TMEM163: variants seen among roughly 807,000 people sequenced by gnomAD.
TMEM163 encodes the protein transmembrane protein 163.
A neutral mutation model predicts 29.3 loss-of-function variants in TMEM163; 17 were observed. That is an observed-to-expected ratio of 0.58 (90% CI 0.40 to 0.87). The LOEUF is 0.87. Ranked by LOEUF, TMEM163 falls within the 40% of genes least tolerant of loss-of-function variation. The probability of loss-of-function intolerance (pLI) is 0.00; values close to 1 mark genes in which losing one functional copy is unlikely to be tolerated. For synonymous variants in TMEM163, 157 were observed against 160.6 expected (o/e 0.98, Z 0.17); for missense variants, 303 against 381.5 (o/e 0.79, Z 1.71).
intron 4 of TMEM163, among the ~76,000 whole-genome samples, chr2:134,503,678 A>C (rs1017767066): frequency 6.6e-6 from 1 of 152,148 alleles, no homozygotes; most frequent in African/African-American, 2.4e-5. Context: ...GGCAGAAATG[A>C]GGGGTAAGAA....
intron 2 of TMEM163, among the ~76,000 whole-genome samples, chr2:134,587,028 T>C (rs537292220): frequency 1.3e-5 from 2 of 152,048 alleles, no homozygotes; most frequent in Admixed American, 1.3e-4. Flanking sequence ...ACTTAAGATC[T>C]CATCTGTGAG....
At chr2:134,507,336 C>CTAAA (rs111595849) in intron 4 of TMEM163, among the ~76,000 whole-genome samples, 10,254 of 148,804 alleles carry the variant, frequency 0.069, 439 homozygotes, top group Non-Finnish European at 0.085. Flanking sequence ...AACTCTACCT[C>CTAAA]TAAATAAATA....
rs188845651 is a variant in TMEM163 at position 134,667,020 on chromosome 2, A to G, written c.322+46180T>C. 1.1e-4 allele frequency among the ~76,000 whole-genome samples: 17 copies of G among 152,214 alleles called. 1 individual carries two copies. The highest frequency in any genetic ancestry group is 3.6e-4 in the African/African-American group (15 of 41,498). ...GAATCAGTGGATGAGCCCCACTAGAAAAATCTACTCATCACTCATGATTAC... is the reference window on the plus strand; with the variant it reads ...GAATCAGTGGATGAGCCCCACTAGAGAAATCTACTCATCACTCATGATTAC... On this transcript the variant is annotated intron_variant, in intron 2 of 7. Coordinates refer to ENST00000281924, the MANE Select transcript of TMEM163 (RefSeq NM_030923.5).
chr2:134,492,836 G>C (rs1679459665), intron 5 of TMEM163, among the ~76,000 whole-genome samples: 1 of 152,204 alleles, frequency 6.6e-6, no homozygotes, highest in African/African-American at 2.4e-5. Flanking sequence ...GTGCAGACAT[G>C]TATTTTCATT....
At chr2:134,647,697 C>T (rs1683363700) in intron 2 of TMEM163, among the ~76,000 whole-genome samples, 1 of 152,218 alleles carries the variant, frequency 6.6e-6, no homozygotes, top group African/African-American at 2.4e-5. Context: ...GGAAACTTTC[C>T]CTGACTCCTT....
intron 4 of TMEM163, among the ~76,000 whole-genome samples, chr2:134,526,299 A>G (rs1680299442): frequency 6.6e-6 from 1 of 152,214 alleles, no homozygotes; most frequent in South Asian, 2.1e-4. Flanking sequence ...AGAATCTTAT[A>G]CAACCACCCA....
At position 134,471,955 on chromosome 2, in the gene TMEM163, G is replaced by A. The variant is rs1485298033; in HGVS notation, c.556-5730C>T. ...TGGACTCCGTGAAAACAGCAACAGC[G>A]ATTTCCTTGCTGGGCATTCAGTTCC... is the stretch of plus-strand genomic sequence containing the variant. On this transcript the variant is annotated intron_variant, in intron 5 of 7. Transcript: ENST00000281924. Among the ~76,000 whole-genome samples, 10 of 152,306 alleles carry A rather than the reference G, an allele frequency of 6.6e-5. 1 individual carries two copies. In the South Asian group the frequency reaches 1.2e-3, roughly 19 times the overall value.
chr2:134,460,084 C>CCA lies in TMEM163; in HGVS notation c.668-1912_668-1911insTG, dbSNP rs1686501247. ...CCCCTTGCCAGATGTTACCCCCCCC[C>CCA]AAATTCATTCTCACTCTCCCCGCTG... On this transcript the variant is annotated intron_variant, in intron 6 of 7. Coordinates refer to ENST00000281924, the MANE Select transcript of TMEM163 (RefSeq NM_030923.5). This position sits in a 1 kb window ranked among gnomAD's most constrained non-coding sequence, Gnocchi z 4.3. Among the ~76,000 whole-genome samples, 1 of 140,282 alleles carries CCA rather than the reference C, an allele frequency of 7.1e-6. No homozygotes were observed. The highest frequency in any genetic ancestry group is 2.5e-5 in the African/African-American group (1 of 39,434). The allele number at this position is 140,282 out of a possible 152,430, so 92.0% of individuals were successfully genotyped here.
chr2:134,595,903 A>G (rs1258944700), intron 2 of TMEM163, among the ~76,000 whole-genome samples: 1 of 152,246 alleles, frequency 6.6e-6, no homozygotes, highest in Non-Finnish European at 1.5e-5. Context: ...TGTTGGCTGC[A>G]TAAATGTCTT....
At chr2:134,673,948 G>A (rs1013352453) in intron 2 of TMEM163, among the ~76,000 whole-genome samples, 14 of 152,078 alleles carry the variant, frequency 9.2e-5, no homozygotes, top group African/African-American at 2.9e-4. Context: ...ATTACTATAC[G>A]GAATCAGAAT....
At chr2:134,539,516 G>T (rs1680616010) in intron 4 of TMEM163, among the ~76,000 whole-genome samples, 1 of 152,140 alleles carries the variant, frequency 6.6e-6, no homozygotes, top group South Asian at 2.1e-4. Context: ...ACACTGGCTT[G>T]CTTCCCCCTG....
intron 5 of TMEM163, among the ~76,000 whole-genome samples, chr2:134,494,162 T>C (rs954860021): frequency 4.6e-5 from 7 of 152,170 alleles, no homozygotes; most frequent in Non-Finnish European, 8.8e-5. Context: ...TGCCCAGTTC[T>C]ATTCTGTTTA....
At chr2:134,516,592 T>G (rs1680061509) in intron 4 of TMEM163, among the ~76,000 whole-genome samples, 1 of 148,636 alleles carries the variant, frequency 6.7e-6, no homozygotes, top group South Asian at 2.1e-4. Context: ...TATTCATATA[T>G]ATTCATATAT....
chr2:134,525,773 A>AGCCT (rs1304378642), intron 4 of TMEM163, among the ~76,000 whole-genome samples: 1 of 152,192 alleles, frequency 6.6e-6, no homozygotes, highest in African/African-American at 2.4e-5. Flanking sequence ...CAGCCTCAGA[A>AGCCT]GCCTGCCTCT....
intron 2 of TMEM163, among the ~76,000 whole-genome samples, chr2:134,644,554 A>C (rs1683293188): frequency 1.3e-5 from 2 of 152,212 alleles, no homozygotes; most frequent in Admixed American, 1.3e-4. Flanking sequence ...TATGCAAAAA[A>C]TAAGTTGCAA....
chr2:134,559,690 A>C (rs1015903133), intron 2 of TMEM163, among the ~76,000 whole-genome samples: 1 of 152,114 alleles, frequency 6.6e-6, no homozygotes, highest in Non-Finnish European at 1.5e-5. Flanking sequence ...GGGACTATAC[A>C]ACCCCGCCCC....
chr2:134,629,128 C>T (rs1180546225), intron 2 of TMEM163, among the ~76,000 whole-genome samples: 3 of 152,120 alleles, frequency 2.0e-5, no homozygotes, highest in Admixed American at 2.0e-4. Flanking sequence ...TCACAAAACC[C>T]CTGTAAATAC....
chr2:134,701,916 CA>C (rs71301801), intron 2 of TMEM163, among the ~76,000 whole-genome samples: 146 of 66,540 alleles, frequency 2.2e-3, no homozygotes, highest in South Asian at 0.012. Flanking sequence ...AAAACTGTCT[CA>C]AAAAAAAAAA....
chr2:134,601,991 G>A (rs1201217382), intron 2 of TMEM163, among the ~76,000 whole-genome samples: 1 of 152,150 alleles, frequency 6.6e-6, no homozygotes, highest in Non-Finnish European at 1.5e-5. Flanking sequence ...AAGGCTTGGA[G>A]GTAGGAATGC....
Sources: gnomAD v4.1 joint callset for allele counts (sites outside exome capture counted in the v4.1 genomes callset) on GRCh38, gnomAD v4.1.1 for gene constraint, Gnocchi (gnomAD v3.1) non-coding constraint, MANE v1.5 for transcripts, NCBI Gene and HGNC (gene_info 2026-07-23, HGNC 2026-07-21) for gene names.